The following DBT variants were observed in gnomAD, a reference collection of about 807,000 sequenced individuals.
The protein encoded by DBT is lipoamide acyltransferase component of branched-chain alpha-keto acid dehydrogenase complex, mitochondrial.
In DBT, 40 loss-of-function variants were observed where a neutral mutation model predicts 51.3. The ratio of observed to expected loss-of-function variants is 0.78; its 90% CI spans 0.61 to 1.02. The LOEUF (loss-of-function observed/expected upper bound fraction) is 1.02, where lower values mean the gene tolerates loss of function less well. DBT is among the 50% of genes least tolerant of loss of function. The pLI is 0.00. For missense variants in DBT, 510 were observed against 580.2 expected, an observed-to-expected ratio of 0.88 and a Z score of 1.24; for synonymous variants, 181 against 190.4, an observed-to-expected ratio of 0.95 and a Z score of 0.41.
At chr1:100,244,396 G>A (rs1003711293) in intron 1 of DBT, among the ~76,000 whole-genome samples, 1 of 152,072 alleles carries the variant, frequency 6.6e-6, no homozygotes, top group African/African-American at 2.4e-5. Flanking sequence ...ATACATTATG[G>A]GTTATTGAAG....
In DBT at chr1:100,189,603, T is replaced by G. The variant is rs1486633083; in HGVS notation, c.*6652A>C. 1 of 152,156 alleles carries G rather than the reference T, an allele frequency of 6.6e-6. No individual in the cohort carries two copies. Among genetic ancestry groups the G allele is most frequent in the Non-Finnish European group, 1.5e-5 (1 of 68,054 alleles). 9.4% of individuals were successfully genotyped at this position (152,156 alleles called of 1,614,324 possible). On this transcript the variant is annotated 3_prime_UTR_variant, in exon 11 of 11. Transcript: ENST00000370132. The stretch of plus-strand genomic sequence containing the variant: ...AGTTGTGGCCAACACTGATTACAGG[T>G]GAGCACTGGGGAAAAAAGCCAGGAT...
In DBT at chr1:100,190,032, T is replaced by C. The variant is rs1445605095; in HGVS notation, c.*6223A>G. The C allele has an allele frequency of 4.6e-5, 7 of 152,216 alleles. No individual in the cohort carries two copies. The highest frequency in any genetic ancestry group is 8.8e-5 in the Non-Finnish European group (6 of 68,030). 9.4% of individuals were successfully genotyped at this position (152,216 alleles called of 1,614,324 possible). ...GATTAATTAAAATTAAAATTTAAAT[T>C]TAAATAGCTACATGTGGCTAGAGGC... On this transcript the variant is annotated 3_prime_UTR_variant, in exon 11 of 11. Coordinates refer to ENST00000370132, the MANE Select transcript of DBT (RefSeq NM_001918.5).
intron 10 of DBT, chr1:100,196,944 G>A: frequency 4.7e-6 from 1 of 213,384 alleles, no homozygotes. Context: ...CTATGACACT[G>A]ATGCGGCCAA....
intron 1 of DBT, among the ~76,000 whole-genome samples, chr1:100,245,242 G>A (rs1036614207): frequency 1.3e-5 from 2 of 150,474 alleles, no homozygotes; most frequent in African/African-American, 2.4e-5. Context: ...TAAAGACAGG[G>A]TCTCACTTTT....
intron 1 of DBT, among the ~76,000 whole-genome samples, chr1:100,245,488 G>A (rs1329182642): frequency 6.6e-6 from 1 of 152,154 alleles, no homozygotes; most frequent in Non-Finnish European, 1.5e-5. Flanking sequence ...CTAGTTCTAT[G>A]GGGACCATCT....
chr1:100,196,199 C>A lies in DBT; in HGVS notation c.*56G>T. On this transcript the variant is annotated 3_prime_UTR_variant, in exon 11 of 11. Coordinates refer to ENST00000370132, the MANE Select transcript of DBT (RefSeq NM_001918.5). ...TAAAGATGAACATGTGCTGGCACAGCTAGGGTTTACATACTCTTTGGAAGC... is the reference window on the plus strand; with the variant it reads ...TAAAGATGAACATGTGCTGGCACAGATAGGGTTTACATACTCTTTGGAAGC... 7.1e-7 allele frequency: 1 copy of A among 1,404,876 alleles called. No individual in the cohort carries two copies. Among genetic ancestry groups the A allele is most frequent in the South Asian group, 1.2e-5 (1 of 86,640 alleles). The allele number at this position is 1,404,876 out of a possible 1,614,324, so 87.0% of individuals were successfully genotyped here. A position where few individuals can be genotyped will look rare whatever the true frequency, so the allele number is the denominator to read the frequency against.
At position 100,196,372 on chromosome 1, in the gene DBT, C is replaced by T. The variant is rs1187387687; in HGVS notation, c.1332G>A (p.Met444Ile). ...TGTGATCAGCTGACCAGCTCACATT[C>T]ATTATCTGTGCCTTATATACTTCTC... ...QKGEVYKAQI[M>I]NVSWSADHRV... The change falls in exon 11 of 11, where the codon ATG becomes ATA. Residue 444 changes from methionine to isoleucine, a missense_variant. Transcript: ENST00000370132. The T allele has an allele frequency of 6.7e-7, 1 of 1,481,494 alleles. No individual in the cohort carries two copies. The highest frequency in any genetic ancestry group is 1.1e-5 in the South Asian group (1 of 89,130). 91.8% of individuals were successfully genotyped at this position (1,481,494 alleles called of 1,614,324 possible). A position where few individuals can be genotyped will look rare whatever the true frequency, so the allele number is the denominator to read the frequency against.
At position 100,240,764 on chromosome 1, in the gene DBT, CA is replaced by C; in HGVS notation, c.171del (p.Ala58LeufsTer22). The C allele has an allele frequency of 1.3e-6, 2 of 1,595,982 alleles. No homozygotes were observed. The highest frequency in any genetic ancestry group is 1.7e-6 in the Non-Finnish European group (2 of 1,164,910). ...GTTATTTTGAAATCATACTTACCAG[CA>C]GTTGTTTTCAGGAAGTGATGTGGAT... Reference protein sequence around the residue: ...YSHPHHFLKTTAALRGQVVQF... With the variant: ...YSHPHHFLKTXAALRGQVVQF... On this transcript the variant is annotated frameshift_variant, in exon 2 of 11. Transcript: ENST00000370132. LOFTEE classifies it high-confidence loss of function.
rs746543353 is a variant in DBT at position 100,210,775 on chromosome 1, T to G, written c.940-4A>C. On this transcript the variant is annotated splice_region_variant and splice_polypyrimidine_tract_variant and intron_variant, in intron 7 of 10. Coordinates refer to ENST00000370132, the MANE Select transcript of DBT (RefSeq NM_001918.5). ...GTAGTAATCCCAAGGAAGCAGCCTGTTTAACAGAAAAAGAATGCAATTTTA... is the reference window on the plus strand; with the variant it reads ...GTAGTAATCCCAAGGAAGCAGCCTGGTTAACAGAAAAAGAATGCAATTTTA... 6.2e-6 allele frequency: 10 copies of G among 1,613,604 alleles called. No individual in the cohort carries two copies. The Admixed American group carries it at 1.5e-4, about 24-fold the overall frequency.
At chr1:100,215,039 T>TC in intron 6 of DBT, 56 bp from the exon 7 acceptor site, 1 of 1,192,534 alleles carries the variant, frequency 8.4e-7, no homozygotes, top group South Asian at 1.4e-5. Context: ...TCTTCATCCT[T>TC]TTTTTTTTTT....
intron 1 of DBT, among the ~76,000 whole-genome samples, chr1:100,248,394 T>A (rs1664681525): frequency 6.6e-6 from 1 of 152,172 alleles, no homozygotes; most frequent in African/African-American, 2.4e-5. Flanking sequence ...GGGTTTTTAA[T>A]TGCAGCTGGA....
chr1:100,213,657 C>T, intron 7 of DBT: 6 of 1,610,474 alleles, frequency 3.7e-6, no homozygotes, highest in Non-Finnish European at 5.1e-6. Flanking sequence ...AACTGTGGAG[C>T]CACCTTCGCT....
intron 10 of DBT, among the ~76,000 whole-genome samples, chr1:100,200,315 C>T (rs767597146): frequency 1.2e-4 from 19 of 152,210 alleles, no homozygotes; most frequent in Non-Finnish European, 2.2e-4. Flanking sequence ...GCAGAGCCCA[C>T]TGCAGCTCAG....
chr1:100,218,931 GT>G (rs1352849987), intron 4 of DBT, among the ~76,000 whole-genome samples, 184 bp from the exon 5 acceptor site: 1 of 30,320 alleles, frequency 3.3e-5, no homozygotes, highest in African/African-American at 7.2e-5. Flanking sequence ...TATGGGTAGA[GT>G]GGGGGGGGGG....
Position 100,230,768 on chromosome 1 carries a change from T to A in DBT, c.398A>T (p.Lys133Met), listed in dbSNP as rs1455876610. 7.4e-6 allele frequency: 12 copies of A among 1,611,458 alleles called. No homozygotes were observed. In the Middle Eastern group the frequency reaches 6.7e-4, roughly 90 times the overall value. The change falls in exon 4 of 11, where the codon AAG becomes ATG. Residue 133 changes from lysine to methionine, a missense_variant. Transcript: ENST00000370132. ...TTCCGTTTCTATGTCTACTAATGGC[T>A]TCCCCACATAGGCAATATCGTCTAG... ...YNLDDIAYVG[K>M]PLVDIETEAL...
In DBT at chr1:100,190,232, G is replaced by A. The variant is rs1173207991; in HGVS notation, c.*6023C>T. ...GCTCTGCCTAGTCATTTGGAACACT[G>A]GCTCCTTCTATCTTGTGTGGTGCCA... On this transcript the variant is annotated 3_prime_UTR_variant, in exon 11 of 11. Coordinates refer to ENST00000370132, the MANE Select transcript of DBT (RefSeq NM_001918.5). 6.6e-6 allele frequency: 1 copy of A among 152,196 alleles called. No individual in the cohort carries two copies. The highest frequency in any genetic ancestry group is 1.5e-5 in the Non-Finnish European group (1 of 68,052). The allele number at this position is 152,196 out of a possible 1,614,324, so 9.4% of individuals were successfully genotyped here.
intron 4 of DBT, among the ~76,000 whole-genome samples, chr1:100,223,384 G>T (rs1056862832): frequency 6.6e-6 from 1 of 152,124 alleles, no homozygotes; most frequent in Admixed American, 6.6e-5. Context: ...GTTTTGTTTT[G>T]GTTTTGAGAC....
chr1:100,201,215 T>C (rs1257909990), intron 10 of DBT, among the ~76,000 whole-genome samples: 3 of 151,978 alleles, frequency 2.0e-5, no homozygotes, highest in African/African-American at 7.2e-5. Flanking sequence ...ATAAATGACC[T>C]GATGGAGGTG....
chr1:100,230,634 A>AC (rs1044000122), intron 4 of DBT, 99 bp downstream of exon 4: 100 of 775,960 alleles, frequency 1.3e-4, no homozygotes, highest in Non-Finnish European at 1.7e-4. Context: ...GAATAGAAAA[A>AC]AAAAAAACAA....
Sources: allele counts gnomAD v4.1 joint callset (sites outside exome capture counted in the v4.1 genomes callset), GRCh38; gene constraint gnomAD v4.1.1; transcripts MANE v1.5; gene names NCBI Gene and HGNC (gene_info 2026-07-23, HGNC 2026-07-21).